Variants in CDV3 observed in about 807,000 individuals in gnomAD.
The protein encoded by CDV3 is protein CDV3 homolog.
CDV3 carries 14 observed loss-of-function variants against 24.5 expected under a neutral mutation model. That is an observed-to-expected ratio of 0.57 (90% CI 0.38 to 0.89). The LOEUF (loss-of-function observed/expected upper bound fraction) is 0.89. CDV3 is among the 40% of genes least tolerant of loss of function. The pLI, the probability that CDV3 is intolerant of heterozygous loss-of-function variation, is 0.00. For missense variants in CDV3, 304 were observed against 310.2 expected, an observed-to-expected ratio of 0.98 and a Z score of 0.15; for synonymous variants, 114 against 114.1, an observed-to-expected ratio of 1.00 and a Z score of 0.00.
chr3:133,574,382 G>C, intron 1 of CDV3, 98 bp downstream of exon 1: 1 of 939,206 alleles, frequency 1.1e-6, no homozygotes, highest in Middle Eastern at 5.4e-4. Context: ...GAGGGGCCGC[G>C]GAGGCCGGGC....
rs772082054 is a variant in CDV3 at position 133,587,877 on chromosome 3, T to C, written c.627-19T>C. On this transcript the variant is annotated intron_variant, in intron 4 of 4. Coordinates refer to ENST00000264993, the MANE Select transcript of CDV3 (RefSeq NM_017548.5). The stretch of plus-strand genomic sequence containing the variant: ...TAGTGAAGAAGAAATATTTACTGAT[T>C]ACATTTCTTTTCCCTTAGGGATAAA... The C allele has an allele frequency of 6.3e-6, 10 of 1,580,346 alleles. No individual in the cohort carries two copies. Among genetic ancestry groups the C allele is most frequent in the South Asian group, 3.5e-5 (3 of 86,372 alleles).
In CDV3 at chr3:133,590,092, T is replaced by G. The variant is rs1361532696; in HGVS notation, c.*2046T>G. 6.6e-6 allele frequency: 1 copy of G among 152,206 alleles called. No individual in the cohort carries two copies. The highest frequency in any genetic ancestry group is 1.5e-5 in the Non-Finnish European group (1 of 68,038). The allele number at this position is 152,206 out of a possible 1,614,324, so 9.4% of individuals were successfully genotyped here. A position where few individuals can be genotyped will look rare whatever the true frequency, so the allele number is the denominator to read the frequency against. On this transcript the variant is annotated 3_prime_UTR_variant, in exon 5 of 5. Transcript: ENST00000264993. ...TTTAAATTACAACTCTTGTTATAACTTTTTAAAAGATTGTGAAAATATCAA... is the reference window on the plus strand; with the variant it reads ...TTTAAATTACAACTCTTGTTATAACGTTTTAAAAGATTGTGAAAATATCAA...
chr3:133,582,651 G>A (rs1222440350), intron 2 of CDV3, among the ~76,000 whole-genome samples: 2 of 152,204 alleles, frequency 1.3e-5, no homozygotes, highest in Non-Finnish European at 2.9e-5. Flanking sequence ...ACAGTTAAGA[G>A]AGTCAGGGTG....
At position 133,574,035 on chromosome 3, in the gene CDV3, G is replaced by A; in HGVS notation, c.-10G>A. On this transcript the variant is annotated 5_prime_UTR_variant, in exon 1 of 5. Coordinates refer to ENST00000264993, the MANE Select transcript of CDV3 (RefSeq NM_017548.5). ...CGGCCCCACCCATCCGGGTCGAGGA[G>A]GCCGAGGCCATGGCTGAGACGGAGG... 2 of 1,167,364 alleles carry A rather than the reference G, an allele frequency of 1.7e-6. No homozygotes were observed. The highest frequency in any genetic ancestry group is 2.2e-6 in the Non-Finnish European group (2 of 925,986). 72.3% of individuals were successfully genotyped at this position (1,167,364 alleles called of 1,614,324 possible). A position where few individuals can be genotyped will look rare whatever the true frequency, so the allele number is the denominator to read the frequency against.
chr3:133,590,226 A>G lies in CDV3; in HGVS notation c.*2180A>G, dbSNP rs1254547511. 1 of 152,204 alleles carries G rather than the reference A, an allele frequency of 6.6e-6. No homozygotes were observed. The highest frequency in any genetic ancestry group is 1.5e-5 in the Non-Finnish European group (1 of 68,038). The allele number at this position is 152,204 out of a possible 1,614,324, so 9.4% of individuals were successfully genotyped here. A position where few individuals can be genotyped will look rare whatever the true frequency, so the allele number is the denominator to read the frequency against. ...TGGTTTGGCAGTGCAAGAATTCTGT[A>G]ACATTAACAAATTCAATAAAAAGTA... On this transcript the variant is annotated 3_prime_UTR_variant, in exon 5 of 5. Coordinates refer to ENST00000264993, the MANE Select transcript of CDV3 (RefSeq NM_017548.5).
chr3:133,587,572 A>G lies in CDV3; in HGVS notation c.627-324A>G, dbSNP rs762218921. The G allele has an allele frequency of 1.4e-4, 159 of 1,108,146 alleles. 1 individual carries two copies. Among genetic ancestry groups the G allele is most frequent in the Non-Finnish European group, 1.3e-4 (120 of 908,228 alleles). The allele number at this position is 1,108,146 out of a possible 1,614,324, so 68.6% of individuals were successfully genotyped here. A position where few individuals can be genotyped will look rare whatever the true frequency, so the allele number is the denominator to read the frequency against. On this transcript the variant is annotated intron_variant, in intron 4 of 4. Coordinates refer to ENST00000264993, the MANE Select transcript of CDV3 (RefSeq NM_017548.5). ...TTGTGCATAAAGAGAGAGATGTATTATCTATTACTTGCTAAAAGTAAGAGT... is the reference window on the plus strand; with the variant it reads ...TTGTGCATAAAGAGAGAGATGTATTGTCTATTACTTGCTAAAAGTAAGAGT...
chr3:133,576,066 G>C (rs1043549847), intron 2 of CDV3, among the ~76,000 whole-genome samples: 1 of 152,230 alleles, frequency 6.6e-6, no homozygotes, highest in African/African-American at 2.4e-5. Flanking sequence ...TGACTTCTCT[G>C]GATGTTAGTA....
chr3:133,588,182 C>T lies in CDV3; in HGVS notation c.*136C>T. On this transcript the variant is annotated 3_prime_UTR_variant, in exon 5 of 5. Transcript: ENST00000264993. The stretch of plus-strand genomic sequence containing the variant: ...CGATTTCATGACCGGCCCTATTGCA[C>T]TATGGAAGTTAAAGTGTCACGACTG... 6.5e-7 allele frequency: 1 copy of T among 1,537,990 alleles called. No individual in the cohort carries two copies. Among genetic ancestry groups the T allele is most frequent in the Non-Finnish European group, 8.8e-7 (1 of 1,142,824 alleles).
At chr3:133,576,286 G>A (rs2074803930) in intron 2 of CDV3, among the ~76,000 whole-genome samples, 1 of 152,188 alleles carries the variant, frequency 6.6e-6, no homozygotes, top group Non-Finnish European at 1.5e-5. Context: ...TTGAGTAGAA[G>A]TGATTAGACT....
chr3:133,584,536 G>T (rs141005349), intron 3 of CDV3, among the ~76,000 whole-genome samples: 6 of 152,282 alleles, frequency 3.9e-5, no homozygotes, highest in African/African-American at 1.4e-4. Context: ...AGGATTTTTA[G>T]TGGTAACTAC....
At chr3:133,576,841 C>CTGTTTTTTTTTTTTTTTTTT (rs2074826777) in intron 2 of CDV3, among the ~76,000 whole-genome samples, 1 of 62,388 alleles carries the variant, frequency 1.6e-5, no homozygotes. Context: ...GGTAGACTAG[C>CTGTTTTTTTTTTTTTTTTTT]TTTTTTTTTT....
At chr3:133,585,491 T>C (rs990639794) in intron 3 of CDV3, among the ~76,000 whole-genome samples, 1 of 148,662 alleles carries the variant, frequency 6.7e-6, no homozygotes, top group Admixed American at 6.7e-5. Context: ...AGAATCTTTT[T>C]TTCTTTTTCT....
At chr3:133,577,039 A>C (rs1258306824) in intron 2 of CDV3, among the ~76,000 whole-genome samples, 3 of 150,942 alleles carry the variant, frequency 2.0e-5, no homozygotes, top group Non-Finnish European at 1.5e-5. Context: ...GTAGAGACGG[A>C]GTTTCATCAT....
Position 133,574,228 on chromosome 3 carries a change from G to C in CDV3, c.184G>C (p.Gly62Arg), listed in dbSNP as rs2074711933. The C allele has an allele frequency of 1.0e-6, 1 of 995,978 alleles. No individual in the cohort carries two copies. Among genetic ancestry groups the C allele is most frequent in the Non-Finnish European group, 1.2e-6 (1 of 838,390 alleles). The allele number at this position is 995,978 out of a possible 1,614,324, so 61.7% of individuals were successfully genotyped here. Reference sequence around the variant, plus strand: ...CGCGGGGACCCGGCCGGGTGACGGCGGGACCGCCAGCGCGGGGGCTGCGGG... The same window carrying C: ...CGCGGGGACCCGGCCGGGTGACGGCCGGACCGCCAGCGCGGGGGCTGCGGG... ...AGAGTRPGDG[G>R]TASAGAAGPG... Residue 62 changes from glycine (G) to arginine (R), a missense_variant, in exon 1 of 5, where the codon GGG becomes CGG. Transcript: ENST00000264993.
chr3:133,587,071 C>T (rs889812439), intron 4 of CDV3: 40 of 634,546 alleles, frequency 6.3e-5, no homozygotes, highest in African/African-American at 3.4e-4. Flanking sequence ...AATATAAAAG[C>T]GCTGTTTAAT....
rs1933951314 is a variant in CDV3 at position 133,589,919 on chromosome 3, T to C, written c.*1873T>C. On this transcript the variant is annotated 3_prime_UTR_variant, in exon 5 of 5. Coordinates refer to ENST00000264993, the MANE Select transcript of CDV3 (RefSeq NM_017548.5). ...TTGGGAATGAAAAACCTTAAAAAAA[T>C]CTCTTCATCGTTGAACTGTGCATTT... 6.6e-6 allele frequency: 1 copy of C among 152,156 alleles called. No individual in the cohort carries two copies. Among genetic ancestry groups the C allele is most frequent in the Non-Finnish European group, 1.5e-5 (1 of 68,024 alleles). The allele number at this position is 152,156 out of a possible 1,614,324, so 9.4% of individuals were successfully genotyped here.
At chr3:133,580,205 G>A (rs1339312630) in intron 2 of CDV3, among the ~76,000 whole-genome samples, 1 of 151,868 alleles carries the variant, frequency 6.6e-6, no homozygotes, top group Non-Finnish European at 1.5e-5. Context: ...CCACTTGTGA[G>A]TGAGAACATG....
At chr3:133,579,439 T>G (rs2074934172) in intron 2 of CDV3, among the ~76,000 whole-genome samples, 1 of 152,186 alleles carries the variant, frequency 6.6e-6, no homozygotes, top group Non-Finnish European at 1.5e-5. Context: ...GCTATGACAT[T>G]TGGAGAGTTG....
At chr3:133,580,257 G>A (rs922207047) in intron 2 of CDV3, among the ~76,000 whole-genome samples, 9 of 152,138 alleles carry the variant, frequency 5.9e-5, no homozygotes, top group African/African-American at 2.2e-4. Context: ...TGCTGAGAAT[G>A]ATGGTTTCCA....
Sources: gnomAD v4.1 joint callset for allele counts (sites outside exome capture counted in the v4.1 genomes callset) on GRCh38, gnomAD v4.1.1 for gene constraint, MANE v1.5 for transcripts, NCBI Gene and HGNC (gene_info 2026-07-23, HGNC 2026-07-21) for gene names.